ZNF746: variants seen among roughly 807,000 people sequenced by gnomAD.
ZNF746 encodes parkin-interacting substrate.
Under a neutral mutation model 41.0 loss-of-function variants are expected in ZNF746, and 13 were observed. That is an observed-to-expected ratio of 0.32 (90% confidence interval 0.21 to 0.50). ZNF746 has a LOEUF of 0.50. Ranked by LOEUF, ZNF746 falls within the 20% of genes least tolerant of loss-of-function variation. The probability of loss-of-function intolerance (pLI) is 0.98; values close to 1 mark genes in which losing one functional copy is unlikely to be tolerated. For synonymous variants in ZNF746, 424 were observed against 396.2 expected (o/e 1.07, Z -0.83); for missense variants, 811 against 922.9 (o/e 0.88, Z 1.57).
At chr7:149,483,532 G>A (rs1413955429) in intron 4 of ZNF746, among the ~76,000 whole-genome samples, 5 of 151,918 alleles carry the variant, frequency 3.3e-5, no homozygotes, top group Non-Finnish European at 2.9e-5. Flanking sequence ...GCTTGAACCC[G>A]GCAAGTGGAG....
At position 149,473,065 on chromosome 7, in the gene ZNF746, C is replaced by T. The variant is rs1359626350; in HGVS notation, c.*1319G>A. On this transcript the variant is annotated 3_prime_UTR_variant, in exon 7 of 7. Transcript: ENST00000458143. Reference sequence around the variant, plus strand: ...TGTGTGGTAGGAACAGCACTGTGGTCGAATCAAGAAATCTGGGCCCACCTT... The same window carrying T: ...TGTGTGGTAGGAACAGCACTGTGGTTGAATCAAGAAATCTGGGCCCACCTT... 1.3e-5 allele frequency: 2 copies of T among 151,934 alleles called. No homozygotes were observed. The highest frequency in any genetic ancestry group is 2.9e-5 in the Non-Finnish European group (2 of 67,994). 9.4% of individuals were successfully genotyped at this position (151,934 alleles called of 1,614,324 possible).
Position 149,494,029 on chromosome 7 carries a change from C to T in ZNF746, c.411G>A (p.Lys137=). ...TCTCGTAGTTGCCCCTCATCACGTG[C>T]TTGTAGAGCTCCTTCTGCCAGTCCT... is the stretch of plus-strand genomic sequence containing the variant. ...KLEDWQKELY[K]HVMRGNYETL... Residue 137 remains lysine, a synonymous_variant, in exon 3 of 7, where the codon AAG becomes AAA. Coordinates refer to ENST00000458143, the MANE Select transcript of ZNF746 (RefSeq NM_001394198.1). This position sits in a 1 kb window ranked among gnomAD's most constrained non-coding sequence, Gnocchi z 5.6. 2.5e-6 allele frequency: 4 copies of T among 1,614,196 alleles called. No individual in the cohort carries two copies. Among genetic ancestry groups the T allele is most frequent in the Non-Finnish European group, 3.4e-6 (4 of 1,180,038 alleles).
chr7:149,476,822 G>A, intron 6 of ZNF746, 100 bp downstream of exon 6: 1 of 1,535,022 alleles, frequency 6.5e-7, no homozygotes, highest in Non-Finnish European at 9.0e-7. Context: ...TCTGTTGGCT[G>A]GAAGGTCAGA....
intron 4 of ZNF746, chr7:149,487,894 G>A (rs1202074868): frequency 6.6e-6 from 1 of 152,076 alleles, no homozygotes; most frequent in Non-Finnish European, 1.5e-5. Flanking sequence ...ATTTTCTTAG[G>A]AACTTGACAT....
intron 4 of ZNF746, among the ~76,000 whole-genome samples, chr7:149,492,369 TGTAA>T (rs1419664538): frequency 6.6e-6 from 1 of 152,268 alleles, no homozygotes. Context: ...CCTAGCTTAT[TGTAA>T]GTATCACTAT....
chr7:149,476,446 G>A (rs1443180066), intron 6 of ZNF746, among the ~76,000 whole-genome samples: 6 of 141,670 alleles, frequency 4.2e-5, no homozygotes, highest in East Asian at 3.9e-4. Context: ...AAAATATGAC[G>A]TTATTATAGT....
chr7:149,496,973 A>G, intron 1 of ZNF746: 3 of 985,126 alleles, frequency 3.0e-6, no homozygotes, highest in Non-Finnish European at 3.6e-6. Flanking sequence ...ACCAGTACCC[A>G]TCCCACAGGC....
chr7:149,495,301 A>T (rs1036784871), intron 1 of ZNF746, among the ~76,000 whole-genome samples: 1 of 152,098 alleles, frequency 6.6e-6, no homozygotes, highest in African/African-American at 2.4e-5. Flanking sequence ...GGCCTCCGAC[A>T]TTTTTGTAGC....
rs1414582869 is a variant in ZNF746 at position 149,474,964 on chromosome 7, G to A, written c.1403C>T (p.Pro468Leu). 2 of 1,547,830 alleles carry A rather than the reference G, an allele frequency of 1.3e-6. No homozygotes were observed. Among genetic ancestry groups the A allele is most frequent in the East Asian group, 2.4e-5 (1 of 40,900 alleles). ...KHPAAPPGGR[P>L]FTCATCGKSF... ...CTTCCCACACGTGGCGCAGGTGAAG[G>A]GCCGGCCCCCGGGGGGCGCCGCGGG... The change falls in exon 7 of 7, where the codon CCC becomes CTC. Residue 468 changes from proline (P) to leucine (L), a missense_variant. Coordinates refer to ENST00000458143, the MANE Select transcript of ZNF746 (RefSeq NM_001394198.1). The surrounding 1 kb of genome is among the most constrained non-coding windows in gnomAD (Gnocchi z 6.3).
In ZNF746 at chr7:149,495,313, G is replaced by T. The variant is rs112032669; in HGVS notation, c.25-810C>A. On this transcript the variant is annotated intron_variant, in intron 1 of 6. Coordinates refer to ENST00000458143, the MANE Select transcript of ZNF746 (RefSeq NM_001394198.1). Reference sequence around the variant, plus strand: ...GACGGCCTCCGACATTTTTGTAGCTGTACCAGGAGCAGTGACATACCCTGC... The same window carrying T: ...GACGGCCTCCGACATTTTTGTAGCTTTACCAGGAGCAGTGACATACCCTGC... Among the ~76,000 whole-genome samples the T allele has an allele frequency of 0.016, 2,426 of 152,258 alleles. 129 individuals are homozygous for T. The East Asian group carries it at 0.2, about 12-fold the overall frequency.
chr7:149,497,089 T>C lies in ZNF746; in HGVS notation c.24+424A>G, dbSNP rs1801025365. 4 of 984,684 alleles carry C rather than the reference T, an allele frequency of 4.1e-6. No individual in the cohort carries two copies. The highest frequency in any genetic ancestry group is 3.5e-5 in the African/African-American group (2 of 57,012). 61.0% of individuals were successfully genotyped at this position (984,684 alleles called of 1,614,324 possible). ...AAGCTGGGCACGTAGTGGGAGTCGGTGTATGCGGATTCGAAGCCGGACACC... is the reference window on the plus strand; with the variant it reads ...AAGCTGGGCACGTAGTGGGAGTCGGCGTATGCGGATTCGAAGCCGGACACC... On this transcript the variant is annotated intron_variant, in intron 1 of 6. Coordinates refer to ENST00000458143, the MANE Select transcript of ZNF746 (RefSeq NM_001394198.1). The surrounding 1 kb of genome is among the most constrained non-coding windows in gnomAD (Gnocchi z 4.2).
At position 149,473,017 on chromosome 7, in the gene ZNF746, T is replaced by TC. The variant is rs1800150146; in HGVS notation, c.*1366dup. The TC allele has an allele frequency of 1.3e-5, 2 of 152,266 alleles. No homozygotes were observed. The highest frequency in any genetic ancestry group is 4.1e-4 in the South Asian group (2 of 4,822). The allele number at this position is 152,266 out of a possible 1,614,324, so 9.4% of individuals were successfully genotyped here. A position where few individuals can be genotyped will look rare whatever the true frequency, so the allele number is the denominator to read the frequency against. ...GGAAACAAGAGGACCAGTGGCTGCTTCAACAAAACAGGAATGGATATTTGT... is the reference window on the plus strand; with the variant it reads ...GGAAACAAGAGGACCAGTGGCTGCTTCCAACAAAACAGGAATGGATATTTGT... On this transcript the variant is annotated 3_prime_UTR_variant, in exon 7 of 7. Transcript: ENST00000458143.
chr7:149,479,530 A>T (rs968636489), intron 4 of ZNF746, among the ~76,000 whole-genome samples: 4 of 152,258 alleles, frequency 2.6e-5, no homozygotes, highest in Non-Finnish European at 5.9e-5. Flanking sequence ...ATATTTTCAA[A>T]AAAGAAAAAG....
Position 149,474,508 on chromosome 7 carries a change from G to A in ZNF746, c.1859C>T (p.Pro620Leu), listed in dbSNP as rs760197298. The change falls in exon 7 of 7, where the codon CCG becomes CTG. Residue 620 changes from proline to leucine, a missense_variant. Coordinates refer to ENST00000458143, the MANE Select transcript of ZNF746 (RefSeq NM_001394198.1). The surrounding 1 kb of genome is among the most constrained non-coding windows in gnomAD (Gnocchi z 6.3). ...TPARGQPLPT[P>L]PAPPDPFKSP... The stretch of plus-strand genomic sequence containing the variant: ...CTTGAAGGGATCAGGAGGTGCGGGC[G>A]GCGTCGGGAGTGGCTGGCCTCGGGC... The A allele has an allele frequency of 3.1e-6, 5 of 1,609,576 alleles. No individual in the cohort carries two copies. Among genetic ancestry groups the A allele is most frequent in the East Asian group, 2.2e-5 (1 of 44,724 alleles).
intron 4 of ZNF746, among the ~76,000 whole-genome samples, chr7:149,478,512 A>G (rs1800387197): frequency 6.6e-6 from 1 of 152,222 alleles, no homozygotes; most frequent in African/African-American, 2.4e-5. Flanking sequence ...ATTCACAGAA[A>G]AATTGGCTGA....
rs374622961 is a variant in ZNF746, at chr7:149,496,824, G to A, written c.24+689C>T. 4.4e-5 allele frequency: 43 copies of A among 985,364 alleles called. No individual in the cohort carries two copies. In the African/African-American group the frequency reaches 6.8e-4, roughly 16 times the overall value. 61.0% of individuals were successfully genotyped at this position (985,364 alleles called of 1,614,324 possible). On this transcript the variant is annotated intron_variant, in intron 1 of 6. Transcript: ENST00000458143. ...GCACTCACCCCTTTCTGTTTTGCACGATTATTGCCCGCGTACCTGCCTGCC... is the reference window on the plus strand; with the variant it reads ...GCACTCACCCCTTTCTGTTTTGCACAATTATTGCCCGCGTACCTGCCTGCC...
intron 4 of ZNF746, among the ~76,000 whole-genome samples, chr7:149,482,178 A>T (rs1800503136): frequency 6.6e-6 from 1 of 152,238 alleles, no homozygotes; most frequent in South Asian, 2.1e-4. Flanking sequence ...CAGTAGCTAC[A>T]GGTGGATAGT....
chr7:149,486,489 G>A (rs1800628713), intron 4 of ZNF746, among the ~76,000 whole-genome samples: 2 of 151,902 alleles, frequency 1.3e-5, no homozygotes, highest in South Asian at 2.1e-4. Context: ...TTGTATTATG[G>A]TCACAAAATA....
At chr7:149,487,313 T>TA (rs1244768762) in intron 4 of ZNF746, among the ~76,000 whole-genome samples, 1 of 152,218 alleles carries the variant, frequency 6.6e-6, no homozygotes, top group Non-Finnish European at 1.5e-5. Context: ...CAGCATTTGA[T>TA]ACAATATAAC....
Sources: allele counts gnomAD v4.1 joint callset (sites outside exome capture counted in the v4.1 genomes callset), GRCh38; gene constraint gnomAD v4.1.1; non-coding constraint Gnocchi (gnomAD v3.1); transcripts MANE v1.5; gene names NCBI Gene and HGNC (gene_info 2026-07-23, HGNC 2026-07-21).